The following COPS2 variants were observed in gnomAD, a reference collection of about 807,000 sequenced individuals.
COPS2 encodes the protein COP9 signalosome subunit 2, also known as COP9 signalosome complex subunit 2.
In COPS2, 10 loss-of-function variants were observed where a neutral mutation model predicts 66.1. The observed-to-expected ratio is 0.15, with a 90% CI of 0.09 to 0.26. The LOEUF (loss-of-function observed/expected upper bound fraction) is 0.26. Among genes scored for constraint, COPS2 ranks in the 10% least tolerant of loss-of-function variants. The pLI is 1.00. For missense variants in COPS2, 215 were observed against 513.3 expected (o/e 0.42, Z 5.62); for synonymous variants, 179 against 171.3 (o/e 1.04, Z -0.35).
At chr15:49,131,870 A>G (rs1338679741) in intron 9 of COPS2, among the ~76,000 whole-genome samples, 1 of 152,194 alleles carries the variant, frequency 6.6e-6, no homozygotes, top group Non-Finnish European at 1.5e-5. Flanking sequence ...AAATTGTGGG[A>G]CACCATGCAT....
chr15:49,145,250 G>A (rs1038209832), intron 1 of COPS2, among the ~76,000 whole-genome samples, 172 bp from the exon 2 acceptor site: 1 of 152,096 alleles, frequency 6.6e-6, no homozygotes, highest in Non-Finnish European at 1.5e-5. Context: ...TAAAACCAGG[G>A]GTTGAAGAGA....
Position 49,155,595 on chromosome 15 carries a change from A to C in COPS2, c.-17T>G, listed in dbSNP as rs1205867743. 9 of 1,613,362 alleles carry C rather than the reference A, an allele frequency of 5.6e-6. No homozygotes were observed. The East Asian group carries it at 2.0e-4, about 36-fold the overall frequency. On this transcript the variant is annotated 5_prime_UTR_variant, in exon 1 of 13. Transcript: ENST00000388901. ...GTCAGACATCTTGGCCGGGAGGGGG[A>C]GGAGAAATTGGAGACAACCTCCTCC...
At position 49,131,075 on chromosome 15, in the gene COPS2, A is replaced by G. The variant is rs538328591; in HGVS notation, c.948-259T>C. On this transcript the variant is annotated intron_variant, in intron 9 of 12. Coordinates refer to ENST00000388901, the MANE Select transcript of COPS2 (RefSeq NM_004236.4). ...GGGGTTATATACTATATTTATACAA[A>G]GTTAATTAAAATCACCTCAATATCT... Among the ~76,000 whole-genome samples the G allele has an allele frequency of 2.0e-5, 3 of 152,302 alleles. No homozygotes were observed. In the South Asian group the frequency reaches 6.2e-4, roughly 32 times the overall value.
At chr15:49,154,776 A>G (rs1469619603) in intron 1 of COPS2, among the ~76,000 whole-genome samples, 1 of 152,174 alleles carries the variant, frequency 6.6e-6, no homozygotes, top group African/African-American at 2.4e-5. Flanking sequence ...AAATTCGTTT[A>G]TTTCTATGCT....
In COPS2 at chr15:49,130,722, C is replaced by A; in HGVS notation, c.1042G>T (p.Glu348Ter). 1 of 1,569,086 alleles carries A rather than the reference C, an allele frequency of 6.4e-7. No individual in the cohort carries two copies. The highest frequency in any genetic ancestry group is 8.7e-7 in the Non-Finnish European group (1 of 1,143,528). ...MDDPFIREHI[E>*]ELLRNIRTQV... is the part of the protein sequence containing the mutation. Reference sequence around the variant, plus strand: ...CCAGTTGGCAGAAAGAACATACCTTCAATGTGTTCTCTTATGAAAGGATCA... The same window carrying A: ...CCAGTTGGCAGAAAGAACATACCTTAAATGTGTTCTCTTATGAAAGGATCA... The change falls in exon 10 of 13, where the codon GAA becomes TAA. Residue 348 changes from glutamate (E) to a stop codon, truncating the protein, a stop_gained. Coordinates refer to ENST00000388901, the MANE Select transcript of COPS2 (RefSeq NM_004236.4). LOFTEE classifies it high-confidence loss of function.
intron 6 of COPS2, among the ~76,000 whole-genome samples, chr15:49,135,188 A>G (rs918984361): frequency 6.6e-6 from 1 of 152,328 alleles, no homozygotes. Flanking sequence ...GGAAACTGAA[A>G]TTGAAGAAAG....
Position 49,144,998 on chromosome 15 carries a change from ATCT to A in COPS2, c.132_134del (p.Glu44del). ...AACTGCTTAATGCCGCTTTTGGGTCATCTTCTTTTAATGCTTTGGAATTATAGT... is the reference window on the plus strand; with the variant it reads ...AACTGCTTAATGCCGCTTTTGGGTCATCTTTTAATGCTTTGGAATTATAGT... On this transcript the variant is annotated inframe_deletion, in exon 2 of 13. Transcript: ENST00000388901. The A allele has an allele frequency of 6.3e-7, 1 of 1,598,610 alleles. No individual in the cohort carries two copies. Among genetic ancestry groups the A allele is most frequent in the Non-Finnish European group, 8.5e-7 (1 of 1,174,612 alleles).
At chr15:49,139,064 T>C (rs549867258) in intron 4 of COPS2, among the ~76,000 whole-genome samples, 1 of 152,302 alleles carries the variant, frequency 6.6e-6, no homozygotes, top group South Asian at 2.1e-4. Flanking sequence ...TATCCACCCA[T>C]CCTTTGCAGA....
intron 1 of COPS2, among the ~76,000 whole-genome samples, chr15:49,149,869 C>T (rs556652436): frequency 5.9e-5 from 9 of 152,240 alleles, no homozygotes; most frequent in South Asian, 2.1e-4. Context: ...AAACCAGACA[C>T]GATTCAAATC....
intron 11 of COPS2, among the ~76,000 whole-genome samples, chr15:49,129,045 C>T (rs938175378): frequency 6.6e-6 from 1 of 152,178 alleles, no homozygotes; most frequent in Non-Finnish European, 1.5e-5. Flanking sequence ...ACAATTTTCT[C>T]TGAGGGTGAA....
chr15:49,127,376 T>C lies in COPS2; in HGVS notation c.*574A>G, dbSNP rs1239032385. The C allele has an allele frequency of 6.5e-6, 1 of 152,676 alleles. No individual in the cohort carries two copies. The highest frequency in any genetic ancestry group is 1.5e-5 in the Non-Finnish European group (1 of 68,052). 9.5% of individuals were successfully genotyped at this position (152,676 alleles called of 1,614,324 possible). A position where few individuals can be genotyped will look rare whatever the true frequency, so the allele number is the denominator to read the frequency against. Reference sequence around the variant, plus strand: ...TTCTGAGCTGCACTGTTTATTTTGCTGCTTGAAACCTAAGTGACAGTATGC... The same window carrying C: ...TTCTGAGCTGCACTGTTTATTTTGCCGCTTGAAACCTAAGTGACAGTATGC... On this transcript the variant is annotated 3_prime_UTR_variant, in exon 13 of 13. Coordinates refer to ENST00000388901, the MANE Select transcript of COPS2 (RefSeq NM_004236.4).
chr15:49,136,193 G>A (rs1214610318), intron 6 of COPS2, among the ~76,000 whole-genome samples: 1 of 152,010 alleles, frequency 6.6e-6, no homozygotes, highest in Non-Finnish European at 1.5e-5. Flanking sequence ...GCAAGCGTGG[G>A]GAGGGGTTGA....
rs1180458574 is a variant in COPS2, at chr15:49,141,183, CA to C, written c.247-1531del. ...TCCTAACTTTGAAGCTGTATCTTGG[CA>C]CTGAAATAGGAGTTTTGCAAAAAGT... On this transcript the variant is annotated intron_variant, in intron 3 of 12. Transcript: ENST00000388901. Among the ~76,000 whole-genome samples, 7 of 152,220 alleles carry C rather than the reference CA, an allele frequency of 4.6e-5. No individual in the cohort carries two copies. The East Asian group carries it at 1.4e-3, about 29-fold the overall frequency.
rs567002443 is a variant in COPS2, at chr15:49,128,505, T to C, written c.1187+197A>G. ...TAAGAAATCCTTCTGAAAAATCATT[T>C]AGAACTTTTTCTGAGATGTGTTTAA... is the stretch of plus-strand genomic sequence containing the variant. On this transcript the variant is annotated intron_variant, in intron 12 of 12. Transcript: ENST00000388901. Among the ~76,000 whole-genome samples the C allele has an allele frequency of 4.1e-3, 620 of 152,372 alleles. 9 individuals are homozygous for C. The highest frequency in any genetic ancestry group is 0.014 in the African/African-American group (596 of 41,598).
At position 49,134,320 on chromosome 15, in the gene COPS2, C is replaced by A; in HGVS notation, c.715+20G>T. On this transcript the variant is annotated intron_variant, in intron 7 of 12. Transcript: ENST00000388901. Reference sequence around the variant, plus strand: ...GATATCTCCCCATGCCACTGCCCACCCTCTCCAAACCAAACTTGCCTCTGA... The same window carrying A: ...GATATCTCCCCATGCCACTGCCCACACTCTCCAAACCAAACTTGCCTCTGA... The A allele has an allele frequency of 1.2e-6, 2 of 1,609,440 alleles. No homozygotes were observed. Among genetic ancestry groups the A allele is most frequent in the South Asian group, 1.1e-5 (1 of 90,128 alleles).
intron 4 of COPS2, 26 bp from the exon 5 acceptor site, chr15:49,137,463 A>G (rs2084261523): frequency 6.5e-7 from 1 of 1,535,202 alleles, no homozygotes; most frequent in Non-Finnish European, 9.0e-7. Flanking sequence ...AGAATTCTAT[A>G]ATTGTAAACA....
In COPS2 at chr15:49,144,318, G is replaced by A. The variant is rs779725010; in HGVS notation, c.169-14C>T. 2.0e-6 allele frequency: 3 copies of A among 1,502,212 alleles called. No individual in the cohort carries two copies. The African/African-American group carries it at 4.1e-5, about 21-fold the overall frequency. 93.1% of individuals were successfully genotyped at this position (1,502,212 alleles called of 1,614,324 possible). On this transcript the variant is annotated splice_polypyrimidine_tract_variant and intron_variant, in intron 2 of 12. Coordinates refer to ENST00000388901, the MANE Select transcript of COPS2 (RefSeq NM_004236.4). ...AAGTTCCAAAACCTAAAAAGAGGAAGAAATTTTTAGTTTATCTTAATATTA... is the reference window on the plus strand; with the variant it reads ...AAGTTCCAAAACCTAAAAAGAGGAAAAAATTTTTAGTTTATCTTAATATTA...
chr15:49,148,701 G>A (rs2084338350), intron 1 of COPS2, among the ~76,000 whole-genome samples: 1 of 152,182 alleles, frequency 6.6e-6, no homozygotes, highest in Non-Finnish European at 1.5e-5. Context: ...AATCTTAAAA[G>A]TCTGGCCAGG....
At chr15:49,139,675 T>C (rs746794334) in intron 3 of COPS2, 22 bp from the exon 4 acceptor site, 2 of 1,562,028 alleles carry the variant, frequency 1.3e-6, no homozygotes, top group Admixed American at 2.0e-5. Flanking sequence ...GAAAAATGAA[T>C]TATCAGATGC....
Sources: gnomAD v4.1 joint callset for allele counts (sites outside exome capture counted in the v4.1 genomes callset) on GRCh38, gnomAD v4.1.1 for gene constraint, MANE v1.5 for transcripts, NCBI Gene and HGNC (gene_info 2026-07-23, HGNC 2026-07-21) for gene names.